Variants in CNTRL observed in about 807,000 individuals in gnomAD.
The protein encoded by CNTRL is centriolin.
A neutral mutation model predicts 303.7 loss-of-function variants in CNTRL; 233 were observed. The observed-to-expected ratio is 0.77, with a 90% CI of 0.69 to 0.86. The LOEUF is 0.86. CNTRL is among the 40% of genes least tolerant of loss of function. The pLI is 0.00. For synonymous variants in CNTRL, 900 were observed against 922.2 expected, an observed-to-expected ratio of 0.98 and a Z score of 0.44; for missense variants, 2,524 against 2,650.6, an observed-to-expected ratio of 0.95 and a Z score of 1.05.
chr9:121,100,157 G>T (rs1320969737), intron 7 of CNTRL, among the ~76,000 whole-genome samples: 1 of 152,236 alleles, frequency 6.6e-6, no homozygotes, highest in African/African-American at 2.4e-5. Flanking sequence ...GGCAGGCAGA[G>T]AGAAAGGTCG....
chr9:121,093,791 C>T (rs2048765626), intron 4 of CNTRL, among the ~76,000 whole-genome samples: 1 of 152,098 alleles, frequency 6.6e-6, no homozygotes, highest in East Asian at 1.9e-4. Flanking sequence ...TGGAAAATGA[C>T]TGCTTTTAAA....
At position 121,127,875 on chromosome 9, in the gene CNTRL, A is replaced by G. The variant is rs1007285529; in HGVS notation, c.2025+1939A>G. Among the ~76,000 whole-genome samples, 6 of 133,448 alleles carry G rather than the reference A, an allele frequency of 4.5e-5. No homozygotes were observed. In the Admixed American group the frequency reaches 5.5e-4, roughly 12 times the overall value. The allele number at this position is 133,448 out of a possible 152,430, so 87.5% of individuals were successfully genotyped here. ...TGTTCTCATTATTCAGTTCCTACCT[A>G]TGAGTGAGAACATGCGGTGTTTGGT... On this transcript the variant is annotated intron_variant, in intron 14 of 43. Transcript: ENST00000373855.
chr9:121,167,803 G>C, intron 37 of CNTRL, 126 bp downstream of exon 37: 2 of 794,322 alleles, frequency 2.5e-6, no homozygotes, highest in Non-Finnish European at 4.0e-6. Context: ...ACTGCCCTGT[G>C]TAGCCATGGG....
In CNTRL at chr9:121,112,479, A is replaced by T; in HGVS notation, c.1023A>T (p.Glu341Asp). 6.2e-7 allele frequency: 1 copy of T among 1,613,056 alleles called. No individual in the cohort carries two copies. The highest frequency in any genetic ancestry group is 8.5e-7 in the Non-Finnish European group (1 of 1,179,252). The change falls in exon 9 of 44, where the codon GAA becomes GAT. Residue 341 changes from glutamate (E) to aspartate (D), a missense_variant. Coordinates refer to ENST00000373855, the MANE Select transcript of CNTRL (RefSeq NM_007018.6). ...KNELLKQKTI[E>D]LTRACQKQYE... ...AATAGCTAAAACAGAAGACCATAGA[A>T]TTAACACGAGCATGTCAGAAGCAAT...
In CNTRL at chr9:121,075,067, G is replaced by A. The variant is rs1301115410; in HGVS notation, c.-205G>A. 2 of 414,850 alleles carry A rather than the reference G, an allele frequency of 4.8e-6. No individual in the cohort carries two copies. The highest frequency in any genetic ancestry group is 1.5e-4 in the East Asian group (2 of 13,756). 25.7% of individuals were successfully genotyped at this position (414,850 alleles called of 1,614,324 possible). A position where few individuals can be genotyped will look rare whatever the true frequency, so the allele number is the denominator to read the frequency against. On this transcript the variant is annotated splice_region_variant and 5_prime_UTR_variant, in exon 1 of 44. Coordinates refer to ENST00000373855, the MANE Select transcript of CNTRL (RefSeq NM_007018.6). ...GGACTGCTCGGCTCGGCTTCTAGGCGGTGAGCGTCAGACCTGGCCGAGCCC... is the reference window on the plus strand; with the variant it reads ...GGACTGCTCGGCTCGGCTTCTAGGCAGTGAGCGTCAGACCTGGCCGAGCCC...
At chr9:121,121,862 A>G (rs908610822) in intron 12 of CNTRL, 11 of 985,314 alleles carry the variant, frequency 1.1e-5, no homozygotes, top group Admixed American at 6.1e-5. Flanking sequence ...GGAAGTGCAC[A>G]TGAATTTGAA....
At chr9:121,164,531 G>A (rs2053006951) in intron 34 of CNTRL, among the ~76,000 whole-genome samples, 1 of 152,212 alleles carries the variant, frequency 6.6e-6, no homozygotes, top group South Asian at 2.1e-4. Context: ...TACGTTGAGT[G>A]AAAGAAGCCA....
chr9:121,090,003 A>G (rs2048493748), intron 3 of CNTRL, among the ~76,000 whole-genome samples: 2 of 152,134 alleles, frequency 1.3e-5, no homozygotes, highest in African/African-American at 4.8e-5. Flanking sequence ...AATACGTTAT[A>G]GTATTACAAT....
At position 121,150,264 on chromosome 9, in the gene CNTRL, T is replaced by C. The variant is rs7857010; in HGVS notation, c.3744T>C (p.Thr1248=). Residue 1248 remains threonine, a synonymous_variant, in exon 25 of 44, where the codon ACT becomes ACC. Coordinates refer to ENST00000373855, the MANE Select transcript of CNTRL (RefSeq NM_007018.6). The part of the protein sequence containing the change: ...FVPPPGYMMY[T]VLPDGSPVPQ... ...CTCCTCCTGGATACATGATGTATAC[T>C]GTGCTTCCTGATGGTTCTCCTGTAC... 8.1e-6 allele frequency: 13 copies of C among 1,614,032 alleles called. No homozygotes were observed. The African/African-American group carries it at 1.7e-4, about 22-fold the overall frequency.
In CNTRL at chr9:121,169,634, C is replaced by T. The variant is rs892318070; in HGVS notation, c.6094C>T (p.Gln2032Ter). The T allele has an allele frequency of 6.2e-7, 1 of 1,614,102 alleles. No individual in the cohort carries two copies. The highest frequency in any genetic ancestry group is 1.7e-5 in the Admixed American group (1 of 60,020). Residue 2032 changes from glutamine to a stop codon, truncating the protein, a stop_gained, in exon 39 of 44, where the codon CAG (glutamine) becomes TAG (stop). Coordinates refer to ENST00000373855, the MANE Select transcript of CNTRL (RefSeq NM_007018.6). LOFTEE classifies it high-confidence loss of function. ...AGAACGGCAGCTTTCAGAAAGGGAG[C>T]AGCAATTGGTGGAGAAATCAGGTGA... Reference protein sequence around the residue: ...QTKRQLSEREQQLVEKSGELL... With the variant: ...QTKRQLSERE
chr9:121,155,080 C>T, intron 27 of CNTRL, 167 bp downstream of exon 27: 2 of 616,576 alleles, frequency 3.2e-6, no homozygotes, highest in Non-Finnish European at 5.9e-6. Context: ...AGAATTTATG[C>T]AAGTCATATA....
At chr9:121,111,096 G>A (rs2049726781) in intron 8 of CNTRL, 1 of 152,146 alleles carries the variant, frequency 6.6e-6, no homozygotes, top group Non-Finnish European at 1.5e-5. Context: ...TTGATTGTGA[G>A]TTGCTTTCTT....
rs530171512 is a variant in CNTRL at position 121,134,465 on chromosome 9, G to T, written c.2026-1341G>T. 3.6e-3 allele frequency among the ~76,000 whole-genome samples: 543 copies of T among 151,906 alleles called. 7 individuals are homozygous for T. Among genetic ancestry groups the T allele is most frequent in the Non-Finnish European group, 6.0e-3 (408 of 67,902 alleles). On this transcript the variant is annotated intron_variant, in intron 14 of 43. Coordinates refer to ENST00000373855, the MANE Select transcript of CNTRL (RefSeq NM_007018.6). ...GCCACCACGCCTGGCTAATTTTTTTGTGTGTGTGTTTTGGTAGAGATAGGT... is the reference window on the plus strand; with the variant it reads ...GCCACCACGCCTGGCTAATTTTTTTTTGTGTGTGTTTTGGTAGAGATAGGT...
chr9:121,171,603 T>C, intron 40 of CNTRL, 55 bp downstream of exon 40: 1 of 1,562,140 alleles, frequency 6.4e-7, no homozygotes, highest in Non-Finnish European at 8.7e-7. Context: ...CTCACTGGGC[T>C]CAGGCAGATT....
rs769422055 is a variant in CNTRL at position 121,088,344 on chromosome 9, A to G, written c.18A>G (p.Gln6=). The change falls in exon 3 of 44, where the codon CAA becomes CAG. Residue 6 remains glutamine, a synonymous_variant. Coordinates refer to ENST00000373855, the MANE Select transcript of CNTRL (RefSeq NM_007018.6). MKKGS[Q]QKIFSKAKIP... ...TTCTTGCAATGAAGAAAGGTTCTCA[A>G]CAAAAAATATTCTCCAAAGCAAAGA... The G allele has an allele frequency of 6.2e-7, 1 of 1,612,774 alleles. No homozygotes were observed. Among genetic ancestry groups the G allele is most frequent in the South Asian group, 1.1e-5 (1 of 91,016 alleles).
At chr9:121,161,053 C>G (rs1014611605) in intron 32 of CNTRL, among the ~76,000 whole-genome samples, 5 of 152,096 alleles carry the variant, frequency 3.3e-5, no homozygotes, top group South Asian at 4.1e-4. Context: ...GACATGCAAA[C>G]ATGACCATGA....
chr9:121,103,558 TTAAAC>T (rs2049293489), intron 7 of CNTRL, among the ~76,000 whole-genome samples: 1 of 152,156 alleles, frequency 6.6e-6, no homozygotes, highest in South Asian at 2.1e-4. Flanking sequence ...TGGGATCTAA[TTAAAC>T]TAAAGAGCTT....
intron 42 of CNTRL, among the ~76,000 whole-genome samples, chr9:121,174,299 G>A (rs1358848408): frequency 6.6e-6 from 1 of 152,222 alleles, no homozygotes; most frequent in Non-Finnish European, 1.5e-5. Flanking sequence ...TATGTAGACA[G>A]CATGGGATGA....
intron 25 of CNTRL, chr9:121,150,771 A>G: frequency 2.8e-6 from 1 of 360,356 alleles, no homozygotes; most frequent in African/African-American, 2.1e-5. Context: ...CAAAAAAACA[A>G]AAATACCATG....
Sources: allele counts gnomAD v4.1 joint callset (sites outside exome capture counted in the v4.1 genomes callset), GRCh38; gene constraint gnomAD v4.1.1; transcripts MANE v1.5; gene names NCBI Gene and HGNC (gene_info 2026-07-23, HGNC 2026-07-21).